Variants in SDK1 observed in about 807,000 individuals in gnomAD.
SDK1 encodes the protein protein sidekick-1.
In SDK1, 157 loss-of-function variants were observed where a neutral mutation model predicts 245.5. The ratio of observed to expected loss-of-function variants is 0.64; its 90% confidence interval spans 0.56 to 0.73. The LOEUF is 0.73. SDK1 is among the 30% of genes least tolerant of loss of function. The probability of loss-of-function intolerance (pLI) is 0.00; values close to 1 mark genes in which losing one functional copy is unlikely to be tolerated. For missense variants in SDK1, 3,583 were observed against 3,002.3 expected (o/e 1.19, Z -4.52); for synonymous variants, 1,647 against 1,278.5 (o/e 1.29, Z -6.15).
intron 30 of SDK1, among the ~76,000 whole-genome samples, chr7:4,158,087 G>T (rs967284626): frequency 1.3e-5 from 2 of 152,154 alleles, no homozygotes; most frequent in African/African-American, 4.8e-5. Context: ...CTCCAGTGAG[G>T]GGTTGGCACT....
At chr7:3,537,929 G>A (rs1027941405) in intron 1 of SDK1, among the ~76,000 whole-genome samples, 2 of 152,194 alleles carry the variant, frequency 1.3e-5, no homozygotes, top group African/African-American at 4.8e-5. Flanking sequence ...GTCTCCCTCT[G>A]CAAAGAGTGA....
intron 1 of SDK1, among the ~76,000 whole-genome samples, chr7:3,441,992 C>G (rs1009393765): frequency 6.6e-6 from 1 of 152,128 alleles, no homozygotes; most frequent in African/African-American, 2.4e-5. Flanking sequence ...TTATCCAGAG[C>G]AGCTCTCCAC....
At chr7:3,994,698 A>G (rs953025627) in intron 14 of SDK1, among the ~76,000 whole-genome samples, 5 of 152,108 alleles carry the variant, frequency 3.3e-5, no homozygotes, top group Non-Finnish European at 5.9e-5. Context: ...TTCACCATTA[A>G]TTCTCTCCAA....
intron 5 of SDK1, among the ~76,000 whole-genome samples, chr7:3,942,651 G>T (rs774497009): frequency 1.2e-4 from 19 of 152,142 alleles, no homozygotes; most frequent in Non-Finnish European, 2.1e-4. Flanking sequence ...GGAGCAGGAA[G>T]ATACTGAGTT....
chr7:3,443,371 A>G (rs1562489466), intron 1 of SDK1, among the ~76,000 whole-genome samples: 1 of 152,198 alleles, frequency 6.6e-6, no homozygotes, highest in Non-Finnish European at 1.5e-5. Context: ...TATGTCAAAT[A>G]TATTAAAATT....
intron 1 of SDK1, among the ~76,000 whole-genome samples, chr7:3,395,123 C>T (rs1412227929): frequency 6.6e-6 from 1 of 151,956 alleles, no homozygotes; most frequent in African/African-American, 2.4e-5. Flanking sequence ...ATTATATTCA[C>T]TGTAGGTTTT....
intron 18 of SDK1, among the ~76,000 whole-genome samples, 160 bp from the exon 19 acceptor site, chr7:4,051,478 A>T (rs1300745336): frequency 6.6e-6 from 1 of 151,942 alleles, no homozygotes; most frequent in African/African-American, 2.4e-5. Flanking sequence ...ATATATTTTT[A>T]TCTCAACTTT....
chr7:3,934,732 C>T (rs1780096892), intron 5 of SDK1, among the ~76,000 whole-genome samples: 1 of 152,206 alleles, frequency 6.6e-6, no homozygotes, highest in African/African-American at 2.4e-5. Flanking sequence ...AAGAGATGGG[C>T]TCTTGTCCTA....
At chr7:3,546,509 GAGTATACAC>G (rs1779230843) in intron 1 of SDK1, among the ~76,000 whole-genome samples, 2 of 152,320 alleles carry the variant, frequency 1.3e-5, no homozygotes, top group African/African-American at 4.8e-5. Flanking sequence ...TTTACATTCA[GAGTATACAC>G]AGCTCTGTAC....
At chr7:3,485,546 T>C (rs2128603437) in intron 1 of SDK1, among the ~76,000 whole-genome samples, 1 of 152,188 alleles carries the variant, frequency 6.6e-6, no homozygotes, top group East Asian at 1.9e-4. Flanking sequence ...TCCCTACCCC[T>C]TTAAATGCAT....
At chr7:3,977,918 T>G (rs1298195959) in intron 13 of SDK1, among the ~76,000 whole-genome samples, 1 of 152,202 alleles carries the variant, frequency 6.6e-6, no homozygotes, top group East Asian at 1.9e-4. Flanking sequence ...TTGGCGGGCC[T>G]CCTTCTGTTC....
intron 5 of SDK1, among the ~76,000 whole-genome samples, chr7:3,843,172 C>G (rs1267432954): frequency 1.3e-5 from 2 of 152,116 alleles, no homozygotes; most frequent in East Asian, 3.9e-4. Flanking sequence ...GCATGGACAC[C>G]AATCTTAAGC....
intron 1 of SDK1, among the ~76,000 whole-genome samples, chr7:3,608,971 G>T (rs1236819247): frequency 6.6e-6 from 1 of 152,134 alleles, no homozygotes; most frequent in Non-Finnish European, 1.5e-5. Flanking sequence ...GAGACTAAAT[G>T]CAGAAGCAGG....
At chr7:3,849,468 C>T (rs1399280966) in intron 5 of SDK1, among the ~76,000 whole-genome samples, 4 of 152,132 alleles carry the variant, frequency 2.6e-5, no homozygotes, top group Non-Finnish European at 1.5e-5. Flanking sequence ...TTTGTGGGAA[C>T]ATGGATTTAT....
At chr7:3,610,556 T>C (rs896250536) in intron 1 of SDK1, among the ~76,000 whole-genome samples, 9 of 152,234 alleles carry the variant, frequency 5.9e-5, no homozygotes, top group African/African-American at 2.2e-4. Flanking sequence ...CTGTGTCTTA[T>C]TAATTTATAT....
At chr7:3,910,633 G>T (rs1020829330) in intron 5 of SDK1, among the ~76,000 whole-genome samples, 3 of 152,220 alleles carry the variant, frequency 2.0e-5, no homozygotes, top group Non-Finnish European at 4.4e-5. Flanking sequence ...GCATAAGTAC[G>T]CTGCCCAGGC....
chr7:3,517,016 G>C (rs946719809), intron 1 of SDK1, among the ~76,000 whole-genome samples: 1 of 152,146 alleles, frequency 6.6e-6, no homozygotes, highest in Admixed American at 6.6e-5. Flanking sequence ...TGTTATCTCA[G>C]AAGATTAGGG....
At chr7:3,524,635 T>C (rs995081541) in intron 1 of SDK1, among the ~76,000 whole-genome samples, 2 of 152,196 alleles carry the variant, frequency 1.3e-5, no homozygotes, top group Non-Finnish European at 2.9e-5. Context: ...TGAGAAATTG[T>C]GTTTTCACAC....
In SDK1 at chr7:3,390,466, C is replaced by T. The variant is rs145107404; in HGVS notation, c.298+88582C>T. 4.6e-3 allele frequency among the ~76,000 whole-genome samples: 702 copies of T among 152,198 alleles called. 7 individuals carry two copies. Among genetic ancestry groups the T allele is most frequent in the African/African-American group, 0.016 (658 of 41,498 alleles). On this transcript the variant is annotated intron_variant, in intron 1 of 44. Coordinates refer to ENST00000404826, the MANE Select transcript of SDK1 (RefSeq NM_152744.4). ...TGATCTGGAAGCATCTTTCCTATAC[C>T]GAGTTAAATAGTGTCACCCCAGAAA... is the stretch of plus-strand genomic sequence containing the variant.
Sources: allele counts gnomAD v4.1 joint callset (sites outside exome capture counted in the v4.1 genomes callset), GRCh38; gene constraint gnomAD v4.1.1; transcripts MANE v1.5; gene names NCBI Gene and HGNC (gene_info 2026-07-23, HGNC 2026-07-21).